The following STIP1 variants were observed in gnomAD, a reference collection of about 807,000 sequenced individuals.
STIP1 encodes the protein stress-induced-phosphoprotein 1.
Under a neutral mutation model 77.4 loss-of-function variants are expected in STIP1, and 16 were observed. That is an observed-to-expected ratio of 0.21 (90% CI 0.14 to 0.31). STIP1 has a LOEUF of 0.31. Ranked by LOEUF, STIP1 falls within the 10% of genes least tolerant of loss-of-function variation. The pLI, the probability that STIP1 is intolerant of heterozygous loss-of-function variation, is 1.00. For synonymous variants in STIP1, 258 were observed against 246.6 expected (o/e 1.05, Z -0.44); for missense variants, 524 against 684.8 (o/e 0.77, Z 2.62).
At chr11:64,195,255 AGGT>A in intron 4 of STIP1, among the ~76,000 whole-genome samples, 1 of 152,082 alleles carries the variant, frequency 6.6e-6, no homozygotes, top group South Asian at 2.1e-4. Flanking sequence ...CTGGGATTAC[AGGT>A]GTACGCCACC....
intron 12 of STIP1, 27 bp downstream of exon 12, chr11:64,203,255 C>T (rs145717772): frequency 4.4e-5 from 71 of 1,604,016 alleles, no homozygotes; most frequent in Non-Finnish European, 5.9e-5. Context: ...CCTCCAGGGG[C>T]CCCCCCTGCC....
At position 64,194,229 on chromosome 11, in the gene STIP1, G is replaced by A. The variant is rs1193873185; in HGVS notation, c.260G>A (p.Arg87His). The A allele has an allele frequency of 3.7e-6, 6 of 1,614,142 alleles. No homozygotes were observed. Among genetic ancestry groups the A allele is most frequent in the Admixed American group, 1.7e-5 (1 of 60,016 alleles). The change falls in exon 3 of 14, where the codon CGC becomes CAC. Residue 87 changes from arginine (R) to histidine (H), a missense_variant. Transcript: ENST00000305218. ...RKAAALEFLNRFEEAKRTYEE... is the reference protein window; with the variant it reads ...RKAAALEFLNHFEEAKRTYEE... Reference sequence around the variant, plus strand: ...GCAGCAGCTCTAGAGTTCTTAAACCGCTTTGAAGAAGCCAAGCGAACCTAT... The same window carrying A: ...GCAGCAGCTCTAGAGTTCTTAAACCACTTTGAAGAAGCCAAGCGAACCTAT...
intron 5 of STIP1, chr11:64,196,973 A>G: frequency 2.9e-6 from 1 of 348,496 alleles, no homozygotes; most frequent in South Asian, 3.1e-5. Flanking sequence ...TGCTGTCCTC[A>G]CCGGTTGCTT....
intron 8 of STIP1, among the ~76,000 whole-genome samples, 191 bp downstream of exon 8, chr11:64,198,165 C>T (rs1441814257): frequency 2.0e-5 from 3 of 151,486 alleles, no homozygotes; most frequent in Non-Finnish European, 4.4e-5. Flanking sequence ...CTTCAGTGAT[C>T]TTCCCACCTC....
rs1591016727 is a variant in STIP1 at position 64,203,245 on chromosome 11, C to T, written c.1386+17C>T. ...AGCTGTAAGGTGGGGCTGCTTCTGG[C>T]CTCCAGGGGCCCCCCCTGCCTCTTT... On this transcript the variant is annotated intron_variant, in intron 12 of 13. Transcript: ENST00000305218. 2 of 1,612,756 alleles carry T rather than the reference C, an allele frequency of 1.2e-6. No individual in the cohort carries two copies. The highest frequency in any genetic ancestry group is 1.7e-4 in the Middle Eastern group (1 of 6,060).
intron 2 of STIP1, 131 bp downstream of exon 2, chr11:64,193,418 A>T (rs1946114374): frequency 1.3e-6 from 1 of 771,338 alleles, no homozygotes; most frequent in African/African-American, 1.7e-5. Flanking sequence ...TATCCTCCTC[A>T]GAAATGGCAT....
At chr11:64,199,573 T>G (rs1450935501) in intron 8 of STIP1, among the ~76,000 whole-genome samples, 4 of 145,136 alleles carry the variant, frequency 2.8e-5, no homozygotes, top group African/African-American at 7.7e-5. Context: ...CTGATTTTTT[T>G]TTTTTTTGAG....
In STIP1 at chr11:64,193,227, C is replaced by G; in HGVS notation, c.159C>G (p.Asp53Glu). ...NRSAAYAKKG[D>E]YQKAYEDGCK... is the part of the protein sequence containing the mutation. ...CTGCTGCCTATGCCAAGAAAGGAGA[C>G]TACCAGAAGGCTTATGAGGATGGCT... The change falls in exon 2 of 14, where the codon GAC becomes GAG. Residue 53 changes from aspartate to glutamate, a missense_variant. Transcript: ENST00000305218. 1 of 1,614,210 alleles carries G rather than the reference C, an allele frequency of 6.2e-7. No homozygotes were observed. Among genetic ancestry groups the G allele is most frequent in the Non-Finnish European group, 8.5e-7 (1 of 1,180,046 alleles).
intron 1 of STIP1, among the ~76,000 whole-genome samples, chr11:64,187,559 G>A (rs984723099): frequency 2.6e-5 from 4 of 152,136 alleles, no homozygotes; most frequent in African/African-American, 7.2e-5. Context: ...GGCAAAGCTC[G>A]AGCTTCCTTG....
rs1370614937 is a variant in STIP1, at chr11:64,203,634, CAGAG to C, written c.1559+15_1559+18del. On this transcript the variant is annotated intron_variant, in intron 13 of 13. Coordinates refer to ENST00000305218, the MANE Select transcript of STIP1 (RefSeq NM_006819.3). ...CAGGCACTCAGCGAGTACGTAGAGT[CAGAG>C]AGGCGGCCTTGCTGGAAATGGAGAA... 6.2e-6 allele frequency: 10 copies of C among 1,614,008 alleles called. No homozygotes were observed. The highest frequency in any genetic ancestry group is 2.7e-5 in the African/African-American group (2 of 74,938).
At chr11:64,190,909 C>T (rs777031351) in intron 1 of STIP1, among the ~76,000 whole-genome samples, 4 of 152,218 alleles carry the variant, frequency 2.6e-5, no homozygotes, top group South Asian at 2.1e-4. Flanking sequence ...CTGAGTTGGC[C>T]GGGCGCAGTG....
Position 64,186,204 on chromosome 11 carries a change from G to C in STIP1, c.-58G>C, listed in dbSNP as rs1360997076. The C allele has an allele frequency of 3.2e-6, 5 of 1,550,856 alleles. No homozygotes were observed. The highest frequency in any genetic ancestry group is 2.4e-5 in the East Asian group (1 of 41,032). On this transcript the variant is annotated 5_prime_UTR_variant, in exon 1 of 14. Coordinates refer to ENST00000305218, the MANE Select transcript of STIP1 (RefSeq NM_006819.3). Reference sequence around the variant, plus strand: ...GTAGGTTCCAGAAGGCGGCGCGTGCGGTTGGGAACGCGGAGCGGACGGATT... The same window carrying C: ...GTAGGTTCCAGAAGGCGGCGCGTGCCGTTGGGAACGCGGAGCGGACGGATT...
intron 1 of STIP1, among the ~76,000 whole-genome samples, chr11:64,192,433 A>G (rs1946103290): frequency 6.6e-6 from 1 of 152,206 alleles, no homozygotes; most frequent in Non-Finnish European, 1.5e-5. Flanking sequence ...TTGTAATGTA[A>G]TATTTAAGAA....
At chr11:64,195,405 C>T (rs529489638) in intron 4 of STIP1, among the ~76,000 whole-genome samples, 7 of 152,200 alleles carry the variant, frequency 4.6e-5, no homozygotes, top group Admixed American at 1.3e-4. Flanking sequence ...TGTGAGCCAC[C>T]GTGCTCCGCT....
chr11:64,187,880 C>T (rs1304121132), intron 1 of STIP1, among the ~76,000 whole-genome samples: 2 of 151,988 alleles, frequency 1.3e-5, no homozygotes, highest in East Asian at 3.9e-4. Flanking sequence ...TGGCGGGAGC[C>T]TGTAGTCCCA....
Position 64,186,193 on chromosome 11 carries a change from G to A in STIP1, c.-69G>A. 1.3e-6 allele frequency: 2 copies of A among 1,550,762 alleles called. No individual in the cohort carries two copies. Among genetic ancestry groups the A allele is most frequent in the Non-Finnish European group, 1.7e-6 (2 of 1,146,938 alleles). On this transcript the variant is annotated 5_prime_UTR_variant, in exon 1 of 14. Transcript: ENST00000305218. ...GGTAGCTTCTAGTAGGTTCCAGAAGGCGGCGCGTGCGGTTGGGAACGCGGA... is the reference window on the plus strand; with the variant it reads ...GGTAGCTTCTAGTAGGTTCCAGAAGACGGCGCGTGCGGTTGGGAACGCGGA...
At chr11:64,190,840 GAAA>G (rs1458870530) in intron 1 of STIP1, among the ~76,000 whole-genome samples, 1 of 151,934 alleles carries the variant, frequency 6.6e-6, no homozygotes, top group South Asian at 2.1e-4. Flanking sequence ...ACCACAAAAA[GAAA>G]AAAACATTTA....
At chr11:64,195,840 C>T (rs1946143927) in intron 5 of STIP1, 27 bp downstream of exon 5, 1 of 1,613,736 alleles carries the variant, frequency 6.2e-7, no homozygotes, top group Non-Finnish European at 8.5e-7. Context: ...TCCTCACTGT[C>T]ACCTATCTAT....
chr11:64,189,450 C>A (rs1443864570), intron 1 of STIP1, among the ~76,000 whole-genome samples: 1 of 152,176 alleles, frequency 6.6e-6, no homozygotes, highest in Non-Finnish European at 1.5e-5. Context: ...TTGCTTGAAC[C>A]TGGCTGGTCG....
Sources: allele counts gnomAD v4.1 joint callset (sites outside exome capture counted in the v4.1 genomes callset), GRCh38; gene constraint gnomAD v4.1.1; transcripts MANE v1.5; gene names NCBI Gene and HGNC (gene_info 2026-07-23, HGNC 2026-07-21).